Variants in TNNI3K observed in about 807,000 individuals in gnomAD.
The protein encoded by TNNI3K is serine/threonine-protein kinase TNNI3K.
Under a neutral mutation model 114.5 loss-of-function variants are expected in TNNI3K, and 140 were observed. The observed-to-expected ratio is 1.22, with a 90% CI of 1.07 to 1.41. The LOEUF (loss-of-function observed/expected upper bound fraction) is 1.41, where lower values mean the gene tolerates loss of function less well. Among genes scored for constraint, TNNI3K ranks in the 40% most tolerant of loss-of-function variants. The pLI, the probability that TNNI3K is intolerant of heterozygous loss-of-function variation, is 0.00. For synonymous variants in TNNI3K, 347 were observed against 347.5 expected (o/e 1.00, Z 0.02); for missense variants, 1,125 against 1,007.6 (o/e 1.12, Z -1.58).
chr1:74,351,269 T>G (rs1174524201), intron 9 of TNNI3K, among the ~76,000 whole-genome samples: 10 of 151,480 alleles, frequency 6.6e-5, no homozygotes, highest in Non-Finnish European at 1.5e-4. Context: ...GAAAATTCTT[T>G]TCTTTAAGAA....
intron 3 of TNNI3K, 80 bp downstream of exon 3, chr1:74,249,624 A>G (rs1654805622): frequency 7.3e-7 from 1 of 1,373,952 alleles, no homozygotes. Flanking sequence ...AATAGTCTGC[A>G]AAAGAATTCT....
chr1:74,528,839 T>C (rs1337495995), intron 23 of TNNI3K, among the ~76,000 whole-genome samples: 1 of 152,142 alleles, frequency 6.6e-6, no homozygotes, highest in African/African-American at 2.4e-5. Flanking sequence ...AATACTATTA[T>C]TTACCAAAAG....
intron 23 of TNNI3K, among the ~76,000 whole-genome samples, chr1:74,520,055 G>A (rs1052986896): frequency 1.8e-4 from 27 of 152,158 alleles, no homozygotes; most frequent in Non-Finnish European, 3.4e-4. Flanking sequence ...TTGGTTGCAT[G>A]AGTAAGTTCT....
intron 5 of TNNI3K, among the ~76,000 whole-genome samples, chr1:74,318,981 A>G (rs1659464921): frequency 6.6e-6 from 1 of 152,232 alleles, no homozygotes; most frequent in Non-Finnish European, 1.5e-5. Context: ...ATTTATTGTT[A>G]TATAAAACAT....
chr1:74,270,565 A>G (rs1212425788), intron 4 of TNNI3K, among the ~76,000 whole-genome samples: 1 of 151,700 alleles, frequency 6.6e-6, no homozygotes, highest in Non-Finnish European at 1.5e-5. Flanking sequence ...AAGTTTTTTC[A>G]TTTTTTAGAA....
At chr1:74,419,784 A>G (rs1407755856) in intron 17 of TNNI3K, among the ~76,000 whole-genome samples, 5 of 152,166 alleles carry the variant, frequency 3.3e-5, no homozygotes, top group Non-Finnish European at 7.4e-5. Flanking sequence ...TCAAAGTAGC[A>G]TAACAAATGA....
chr1:74,488,058 T>C (rs1668857391), intron 21 of TNNI3K, among the ~76,000 whole-genome samples: 1 of 152,204 alleles, frequency 6.6e-6, no homozygotes. Context: ...GCTATTTTAA[T>C]GATCATTTGC....
intron 23 of TNNI3K, among the ~76,000 whole-genome samples, chr1:74,516,448 C>T (rs1646349395): frequency 6.6e-6 from 1 of 152,134 alleles, no homozygotes; most frequent in Non-Finnish European, 1.5e-5. Context: ...CATGAGGTGT[C>T]ACAGTAAAGA....
At chr1:74,385,514 C>T (rs1663426805) in intron 17 of TNNI3K, among the ~76,000 whole-genome samples, 1 of 152,026 alleles carries the variant, frequency 6.6e-6, no homozygotes, top group Admixed American at 6.6e-5. Flanking sequence ...TTGTCCTTTT[C>T]AAAACCTTAA....
chr1:74,470,037 C>A, intron 21 of TNNI3K: 1 of 400,656 alleles, frequency 2.5e-6, no homozygotes. Flanking sequence ...AGAAGGAAAG[C>A]GCTTCATGTG....
At chr1:74,451,487 A>T (rs1275122009) in intron 20 of TNNI3K, among the ~76,000 whole-genome samples, 1 of 151,924 alleles carries the variant, frequency 6.6e-6, no homozygotes, top group Admixed American at 6.6e-5. Context: ...AGTACCCCAC[A>T]AACTTACTAA....
At chr1:74,486,201 AAGAG>A (rs58506314) in intron 21 of TNNI3K, among the ~76,000 whole-genome samples, 8,341 of 136,442 alleles carry the variant, frequency 0.061, 570 homozygotes, top group African/African-American at 0.18. Context: ...AAATGCTATA[AAGAG>A]AGAGAGAGAG....
intron 21 of TNNI3K, among the ~76,000 whole-genome samples, chr1:74,465,165 A>C (rs45494800): frequency 0.014 from 2,092 of 152,294 alleles, 39 homozygotes; most frequent in African/African-American, 0.048. Context: ...TTGGCCTCGT[A>C]GTCCACTCTG....
At chr1:74,501,474 G>GTGTTTGTTTGTT (rs71588835) in intron 23 of TNNI3K, among the ~76,000 whole-genome samples, 3,126 of 149,916 alleles carry the variant, frequency 0.021, 66 homozygotes, top group Admixed American at 0.053. Context: ...TTTTTGTTTT[G>GTGTTTGTTTGTT]TGTTTGTTTG....
intron 23 of TNNI3K, among the ~76,000 whole-genome samples, chr1:74,498,677 T>C (rs1669457649): frequency 6.6e-6 from 1 of 152,256 alleles, no homozygotes; most frequent in East Asian, 1.9e-4. Context: ...TCAAATATAT[T>C]CTCATCCAAA....
At chr1:74,421,485 T>C (rs1188117653) in intron 17 of TNNI3K, among the ~76,000 whole-genome samples, 1 of 152,036 alleles carries the variant, frequency 6.6e-6, no homozygotes. Flanking sequence ...TATAAGCAAT[T>C]TGAGGTAATT....
chr1:74,404,877 A>G (rs1664542381), intron 17 of TNNI3K, among the ~76,000 whole-genome samples: 1 of 152,192 alleles, frequency 6.6e-6, no homozygotes, highest in African/African-American at 2.4e-5. Flanking sequence ...CTGTTAACTG[A>G]TTTGATGATT....
At chr1:74,534,327 A>T (rs12142020) in intron 23 of TNNI3K, among the ~76,000 whole-genome samples, 76,752 of 152,030 alleles carry the variant, frequency 0.5, 20,385 homozygotes, top group East Asian at 0.73. Context: ...TTTTAAAAAA[A>T]TGATTCCTTT....
At chr1:74,282,538 T>G (rs1480404957) in intron 5 of TNNI3K, among the ~76,000 whole-genome samples, 1 of 152,202 alleles carries the variant, frequency 6.6e-6, no homozygotes, top group East Asian at 1.9e-4. Context: ...CTAATGACCT[T>G]ATTTTAACTT....
Sources: gnomAD v4.1 joint callset for allele counts (sites outside exome capture counted in the v4.1 genomes callset) on GRCh38, gnomAD v4.1.1 for gene constraint, MANE v1.5 for transcripts, NCBI Gene and HGNC (gene_info 2026-07-23, HGNC 2026-07-21) for gene names.